The following APCDD1L variants were observed in gnomAD, a reference collection of about 807,000 sequenced individuals.
APCDD1L encodes protein APCDD1-like.
In APCDD1L, 21 loss-of-function variants were observed where a neutral mutation model predicts 24.2. That is an observed-to-expected ratio of 0.87 (90% CI 0.61 to 1.25). The LOEUF is 1.25. APCDD1L is among the 50% of genes most tolerant of loss of function. The pLI is 0.00. For synonymous variants in APCDD1L, 321 were observed against 323.6 expected, an observed-to-expected ratio of 0.99 and a Z score of 0.09; for missense variants, 704 against 711.7, an observed-to-expected ratio of 0.99 and a Z score of 0.12.
Position 58,508,352 on chromosome 20 carries a change from T to C in APCDD1L, c.49+6307A>G, listed in dbSNP as rs138541952. Among the ~76,000 whole-genome samples, 180 of 152,202 alleles carry C rather than the reference T, an allele frequency of 1.2e-3. No individual in the cohort carries two copies. Among genetic ancestry groups the C allele is most frequent in the African/African-American group, 4.1e-3 (171 of 41,530 alleles). ...GAAGTGTGTGGAGATGACTGTCACA[T>C]GGGGATCAAGGAGCACAGGGAGGGG... On this transcript the variant is annotated intron_variant, in intron 1 of 3. Coordinates refer to ENST00000371149, the MANE Select transcript of APCDD1L (RefSeq NM_153360.3). This position sits in a 1 kb window ranked among gnomAD's most constrained non-coding sequence, Gnocchi z 4.0.
intron 1 of APCDD1L, among the ~76,000 whole-genome samples, chr20:58,473,510 G>A (rs548693139): frequency 6.6e-6 from 1 of 152,290 alleles, no homozygotes; most frequent in South Asian, 2.1e-4. Flanking sequence ...CAACTTCAAG[G>A]TTGCAAAAAC....
chr20:58,467,060 C>T lies in APCDD1L; in HGVS notation c.741+46G>A. On this transcript the variant is annotated intron_variant, in intron 3 of 3. Coordinates refer to ENST00000371149, the MANE Select transcript of APCDD1L (RefSeq NM_153360.3). This position sits in a 1 kb window ranked among gnomAD's most constrained non-coding sequence, Gnocchi z 5.9. ...GGGGCTGGGTTCCGAGCTCGCCTCC[C>T]CGAGACCACCACCCCCCTCTCCCAC... The T allele has an allele frequency of 1.3e-6, 2 of 1,546,150 alleles. No individual in the cohort carries two copies. The highest frequency in any genetic ancestry group is 8.7e-7 in the Non-Finnish European group (1 of 1,150,522).
Position 58,467,717 on chromosome 20 carries a change from C to T in APCDD1L, c.189-59G>A. 1 of 1,390,040 alleles carries T rather than the reference C, an allele frequency of 7.2e-7. No homozygotes were observed. The highest frequency in any genetic ancestry group is 9.4e-7 in the Non-Finnish European group (1 of 1,068,404). The allele number at this position is 1,390,040 out of a possible 1,614,324, so 86.1% of individuals were successfully genotyped here. On this transcript the variant is annotated intron_variant, in intron 2 of 3. Transcript: ENST00000371149. The surrounding 1 kb of genome is among the most constrained non-coding windows in gnomAD (Gnocchi z 5.9). ...AGGGAACACCGCGCCGCGAGCCCCT[C>T]TCCCCTCTGGGCTGGGCTCCTTTCT...
intron 1 of APCDD1L, among the ~76,000 whole-genome samples, chr20:58,510,642 T>C (rs572033797): frequency 1.3e-5 from 2 of 152,292 alleles, no homozygotes; most frequent in East Asian, 3.9e-4. Flanking sequence ...CAATTCTTCC[T>C]TTTAGCAAGC....
chr20:58,470,393 G>A (rs1465280735), intron 2 of APCDD1L, among the ~76,000 whole-genome samples: 2 of 152,250 alleles, frequency 1.3e-5, no homozygotes, highest in African/African-American at 4.8e-5. Flanking sequence ...TGTTCAAGGT[G>A]TTGAATGGAT....
At chr20:58,482,023 G>A (rs1020794507) in intron 1 of APCDD1L, among the ~76,000 whole-genome samples, 1 of 152,136 alleles carries the variant, frequency 6.6e-6, no homozygotes, top group African/African-American at 2.4e-5. Flanking sequence ...AAGACATCTC[G>A]GCTCCATGGG....
intron 1 of APCDD1L, among the ~76,000 whole-genome samples, chr20:58,502,564 T>C (rs1568752428): frequency 3.9e-5 from 6 of 152,170 alleles, no homozygotes. Flanking sequence ...GAATGCTTGT[T>C]GAAGAACTGA....
intron 2 of APCDD1L, among the ~76,000 whole-genome samples, chr20:58,469,999 G>A (rs1989781306): frequency 1.3e-5 from 2 of 152,234 alleles, no homozygotes; most frequent in South Asian, 2.1e-4. Context: ...CCGCAAAGCA[G>A]CGACTGAGCC....
intron 1 of APCDD1L, among the ~76,000 whole-genome samples, chr20:58,495,219 T>G (rs1990298684): frequency 6.6e-6 from 1 of 152,226 alleles, no homozygotes; most frequent in Non-Finnish European, 1.5e-5. Context: ...CTAGGACCAG[T>G]GGCCTCGTTT....
chr20:58,480,913 T>TGGAAGCGTTTCC (rs1990012793), intron 1 of APCDD1L, among the ~76,000 whole-genome samples: 1 of 152,258 alleles, frequency 6.6e-6, no homozygotes, highest in African/African-American at 2.4e-5. Context: ...GGGTGACAGA[T>TGGAAGCGTTTCC]GGAAGCGTTT....
intron 1 of APCDD1L, among the ~76,000 whole-genome samples, chr20:58,474,902 T>G (rs1301729701): frequency 6.6e-6 from 1 of 152,070 alleles, no homozygotes; most frequent in East Asian, 1.9e-4. Flanking sequence ...CTCTTAGATC[T>G]CGGCAACAAT....
chr20:58,501,983 A>G (rs985884125), intron 1 of APCDD1L, among the ~76,000 whole-genome samples: 1 of 152,178 alleles, frequency 6.6e-6, no homozygotes, highest in African/African-American at 2.4e-5. Context: ...AATGTGGCCT[A>G]CTTGGAGAAG....
chr20:58,464,108 G>T (rs1287220542), intron 3 of APCDD1L, among the ~76,000 whole-genome samples: 7 of 152,236 alleles, frequency 4.6e-5, no homozygotes, highest in Middle Eastern at 3.4e-3. Flanking sequence ...CGGAGTGTTG[G>T]TGATTGGGAT....
intron 1 of APCDD1L, among the ~76,000 whole-genome samples, chr20:58,475,332 G>A (rs1384870804): frequency 4.6e-5 from 7 of 152,124 alleles, no homozygotes; most frequent in East Asian, 1.9e-4. Context: ...TTTCAGGCGC[G>A]AAGCGAGCAC....
chr20:58,460,707 G>T lies in APCDD1L; in HGVS notation c.*83C>A. ...CATCCATGACAGAGCAGAGGAGAAT[G>T]GTTCCTTCCCTACAGCTGCCAGGAG... On this transcript the variant is annotated 3_prime_UTR_variant, in exon 4 of 4. Transcript: ENST00000371149. The surrounding 1 kb of genome is among the most constrained non-coding windows in gnomAD (Gnocchi z 4.2). 1 of 1,428,256 alleles carries T rather than the reference G, an allele frequency of 7.0e-7. No homozygotes were observed. The highest frequency in any genetic ancestry group is 9.3e-7 in the Non-Finnish European group (1 of 1,072,244). The allele number at this position is 1,428,256 out of a possible 1,614,324, so 88.5% of individuals were successfully genotyped here.
At chr20:58,509,724 C>T (rs1227942883) in intron 1 of APCDD1L, among the ~76,000 whole-genome samples, 2 of 152,156 alleles carry the variant, frequency 1.3e-5, no homozygotes, top group Non-Finnish European at 2.9e-5. Context: ...TAGAGACTTT[C>T]AGGGCTGGAA....
rs182670441 is a variant in APCDD1L, at chr20:58,494,524, G to C, written c.49+20135C>G. Reference sequence around the variant, plus strand: ...CTAATTTTTAATTTTTTTTTTGGTAGAGATGGGGTCTGGCTATGTTGCCCA... The same window carrying C: ...CTAATTTTTAATTTTTTTTTTGGTACAGATGGGGTCTGGCTATGTTGCCCA... On this transcript the variant is annotated intron_variant, in intron 1 of 3. Coordinates refer to ENST00000371149, the MANE Select transcript of APCDD1L (RefSeq NM_153360.3). The surrounding 1 kb of genome is among the most constrained non-coding windows in gnomAD (Gnocchi z 4.8). Among the ~76,000 whole-genome samples the C allele has an allele frequency of 6.6e-6, 1 of 150,716 alleles. No individual in the cohort carries two copies. Among genetic ancestry groups the C allele is most frequent in the Non-Finnish European group, 1.5e-5 (1 of 67,772 alleles).
chr20:58,506,725 T>C (rs1990533357), intron 1 of APCDD1L, among the ~76,000 whole-genome samples: 1 of 152,234 alleles, frequency 6.6e-6, no homozygotes, highest in African/African-American at 2.4e-5. Flanking sequence ...AAAGCTGTTC[T>C]TGTTAGCATG....
chr20:58,496,652 A>G (rs1481804534), intron 1 of APCDD1L, among the ~76,000 whole-genome samples: 1 of 152,218 alleles, frequency 6.6e-6, no homozygotes, highest in Non-Finnish European at 1.5e-5. Context: ...GGGGGTCAGC[A>G]TGGGGCAGAC....
Sources: allele counts gnomAD v4.1 joint callset (sites outside exome capture counted in the v4.1 genomes callset), GRCh38; gene constraint gnomAD v4.1.1; non-coding constraint Gnocchi (gnomAD v3.1); transcripts MANE v1.5; gene names NCBI Gene and HGNC (gene_info 2026-07-23, HGNC 2026-07-21).